Variants in IL26 observed in about 807,000 individuals in gnomAD.
The protein encoded by IL26 is interleukin 26, also known as interleukin-26.
In IL26, 23 loss-of-function variants were observed where a neutral mutation model predicts 21.7. That is an observed-to-expected ratio of 1.06 (90% CI 0.76 to 1.50). IL26 has a LOEUF of 1.50. Among genes scored for constraint, IL26 ranks in the 40% most tolerant of loss-of-function variants. IL26 has a pLI of 0.00. For missense variants in IL26, 204 were observed against 196.0 expected (o/e 1.04, Z -0.24); for synonymous variants, 63 against 67.8 (o/e 0.93, Z 0.34).
chr12:68,225,055 T>C lies in IL26; in HGVS notation c.363+94A>G, dbSNP rs991991534. Reference sequence around the variant, plus strand: ...ACAAGCCAACAATTACAAAGCTCGTTTTACTCACCCTTTGGTGTGAGACAG... The same window carrying C: ...ACAAGCCAACAATTACAAAGCTCGTCTTACTCACCCTTTGGTGTGAGACAG... On this transcript the variant is annotated intron_variant, in intron 3 of 4. Coordinates refer to ENST00000229134, the MANE Select transcript of IL26 (RefSeq NM_018402.2). 3 of 1,318,562 alleles carry C rather than the reference T, an allele frequency of 2.3e-6. No individual in the cohort carries two copies. In the East Asian group the frequency reaches 7.3e-5, roughly 32 times the overall value. 81.7% of individuals were successfully genotyped at this position (1,318,562 alleles called of 1,614,324 possible). A position where few individuals can be genotyped will look rare whatever the true frequency, so the allele number is the denominator to read the frequency against.
At chr12:68,213,106 T>G (rs1868780291) in intron 3 of IL26, among the ~76,000 whole-genome samples, 1 of 152,118 alleles carries the variant, frequency 6.6e-6, no homozygotes, top group Non-Finnish European at 1.5e-5. Flanking sequence ...GATATAAATT[T>G]TATTGAATAC....
chr12:68,216,102 C>T (rs899303261), intron 3 of IL26, among the ~76,000 whole-genome samples: 1 of 151,632 alleles, frequency 6.6e-6, no homozygotes, highest in Non-Finnish European at 1.5e-5. Context: ...ACCATCCTGG[C>T]CAACATGGTG....
chr12:68,205,240 G>T (rs772526398), intron 3 of IL26, among the ~76,000 whole-genome samples: 12 of 152,010 alleles, frequency 7.9e-5, no homozygotes, highest in Non-Finnish European at 1.8e-4. Context: ...TGTTGACAAT[G>T]AATGATTTAC....
At chr12:68,201,982 A>G (rs759773515) in intron 4 of IL26, 36 bp downstream of exon 4, 6 of 1,552,200 alleles carry the variant, frequency 3.9e-6, no homozygotes, top group South Asian at 3.7e-5. Context: ...ATTTTAAAAA[A>G]CAAAGTTTTT....
chr12:68,209,323 C>G (rs1868636039), intron 3 of IL26, among the ~76,000 whole-genome samples: 1 of 152,106 alleles, frequency 6.6e-6, no homozygotes, highest in South Asian at 2.1e-4. Flanking sequence ...TATTGGTGAT[C>G]AAACAAAGAA....
intron 3 of IL26, among the ~76,000 whole-genome samples, chr12:68,215,668 T>A (rs987582538): frequency 3.3e-5 from 5 of 152,150 alleles, no homozygotes; most frequent in African/African-American, 1.2e-4. Flanking sequence ...ACTCATAATT[T>A]ATTTATCTTT....
intron 3 of IL26, among the ~76,000 whole-genome samples, chr12:68,208,551 T>A (rs1868611005): frequency 6.6e-6 from 1 of 152,100 alleles, no homozygotes; most frequent in South Asian, 2.1e-4. Context: ...CAGGCTGGAG[T>A]GCAGTGGCGC....
At chr12:68,211,832 C>A (rs933145333) in intron 3 of IL26, among the ~76,000 whole-genome samples, 1 of 152,046 alleles carries the variant, frequency 6.6e-6, no homozygotes, top group African/African-American at 2.4e-5. Context: ...AGGTTGCCTT[C>A]TTACTTTGTC....
At chr12:68,208,665 G>C (rs2120433536) in intron 3 of IL26, among the ~76,000 whole-genome samples, 1 of 152,088 alleles carries the variant, frequency 6.6e-6, no homozygotes, top group East Asian at 1.9e-4. Flanking sequence ...ACCACGCCTG[G>C]CTAATTTTAT....
intron 3 of IL26, among the ~76,000 whole-genome samples, chr12:68,204,140 G>GTTTTTTTTTTTTT (rs1565735764): frequency 9.2e-6 from 1 of 108,936 alleles, no homozygotes. Context: ...AGGATTCAAA[G>GTTTTTTTTTTTTT]ATTTTTTTTT....
intron 3 of IL26, among the ~76,000 whole-genome samples, chr12:68,216,796 G>A (rs1276624220): frequency 3.3e-5 from 5 of 152,144 alleles, no homozygotes; most frequent in South Asian, 2.1e-4. Flanking sequence ...ACATGCAACC[G>A]ACATGAAGAA....
intron 3 of IL26, among the ~76,000 whole-genome samples, chr12:68,216,766 G>T (rs1868897113): frequency 6.6e-6 from 1 of 152,184 alleles, no homozygotes. Context: ...GCCAATTTTT[G>T]CCAGACTTTA....
chr12:68,212,627 TG>T (rs1868766011), intron 3 of IL26, among the ~76,000 whole-genome samples: 2 of 152,124 alleles, frequency 1.3e-5, no homozygotes, highest in Non-Finnish European at 2.9e-5. Flanking sequence ...TTCACTTCCT[TG>T]GTTAAATTTA....
intron 3 of IL26, among the ~76,000 whole-genome samples, chr12:68,208,318 C>T (rs1381874619): frequency 2.6e-5 from 4 of 152,036 alleles, no homozygotes; most frequent in African/African-American, 9.7e-5. Context: ...GGCTGGAGAG[C>T]GCAGAGATAA....
chr12:68,211,540 C>T (rs1240183370), intron 3 of IL26, among the ~76,000 whole-genome samples: 1 of 152,126 alleles, frequency 6.6e-6, no homozygotes, highest in African/African-American at 2.4e-5. Flanking sequence ...TGCCAGGGTT[C>T]CCCTTTCTCT....
rs148742560 is a variant in IL26 at position 68,225,173 on chromosome 12, G to A, written c.339C>T (p.Ser113=). 647 of 1,612,780 alleles carry A rather than the reference G, an allele frequency of 4.0e-4. No homozygotes were observed. The highest frequency in any genetic ancestry group is 5.4e-4 in the Non-Finnish European group (633 of 1,179,636). Residue 113 remains serine, a synonymous_variant, in exon 3 of 5, where the codon AGC becomes AGT. Transcript: ENST00000229134. ...CACAGTGGCTCAATTTCTGCCTAAG[G>A]CTATGAAAGTCCTCCACAAAGCGTA... ...KKIRFVEDFH[S]LRQKLSHCIS...
At chr12:68,218,862 G>C (rs1172968305) in intron 3 of IL26, among the ~76,000 whole-genome samples, 1 of 151,884 alleles carries the variant, frequency 6.6e-6, no homozygotes, top group Non-Finnish European at 1.5e-5. Context: ...AAAAGACATA[G>C]CACACTAACA....
At chr12:68,219,800 TA>T (rs1565739552) in intron 3 of IL26, among the ~76,000 whole-genome samples, 1 of 151,776 alleles carries the variant, frequency 6.6e-6, no homozygotes, top group African/African-American at 2.4e-5. Context: ...GAGAAATCAA[TA>T]AAATTGATGA....
At chr12:68,217,536 C>A (rs776514000) in intron 3 of IL26, among the ~76,000 whole-genome samples, 4 of 151,948 alleles carry the variant, frequency 2.6e-5, no homozygotes, top group Non-Finnish European at 5.9e-5. Flanking sequence ...CTCAGAACAT[C>A]CAAATAGGAG....
Sources: allele counts gnomAD v4.1 joint callset (sites outside exome capture counted in the v4.1 genomes callset), GRCh38; gene constraint gnomAD v4.1.1; transcripts MANE v1.5; gene names NCBI Gene and HGNC (gene_info 2026-07-23, HGNC 2026-07-21).